Variants in ADCY2 observed in about 807,000 individuals in gnomAD.
ADCY2 encodes the protein adenylate cyclase type 2.
Under a neutral mutation model 125.2 loss-of-function variants are expected in ADCY2, and 31 were observed. The observed-to-expected ratio is 0.25, with a 90% CI of 0.19 to 0.33. The LOEUF is 0.33. Among genes scored for constraint, ADCY2 ranks in the 10% least tolerant of loss-of-function variants. ADCY2 has a pLI of 1.00. For synonymous variants in ADCY2, 512 were observed against 548.4 expected (o/e 0.93, Z 0.93); for missense variants, 904 against 1,418.2 (o/e 0.64, Z 5.82).
chr5:7,437,788 A>C (rs1740862483), intron 2 of ADCY2, among the ~76,000 whole-genome samples: 1 of 152,230 alleles, frequency 6.6e-6, no homozygotes, highest in South Asian at 2.1e-4. Flanking sequence ...AGCACTTTGA[A>C]CAGTATTTCT....
At chr5:7,402,329 CT>C (rs1739293675) in intron 1 of ADCY2, among the ~76,000 whole-genome samples, 1 of 152,158 alleles carries the variant, frequency 6.6e-6, no homozygotes, top group African/African-American at 2.4e-5. Flanking sequence ...TTCTTCAGTC[CT>C]TTTTTGGTAT....
Position 7,743,725 on chromosome 5 carries a change from C to T in ADCY2, c.1929C>T (p.Leu643=), listed in dbSNP as rs1432824864. 6.2e-7 allele frequency: 1 copy of T among 1,614,130 alleles called. No individual in the cohort carries two copies. The highest frequency in any genetic ancestry group is 8.5e-7 in the Non-Finnish European group (1 of 1,180,004). Residue 643 remains leucine, a synonymous_variant, in exon 15 of 25, where the codon CTC becomes CTT. Coordinates refer to ENST00000338316, the MANE Select transcript of ADCY2 (RefSeq NM_020546.3). ...GAAFLLLAFI[L]FVCFAGQLLQ... The stretch of plus-strand genomic sequence containing the variant: ...CGTTTCTCTTGCTGGCCTTCATCCT[C>T]TTCGTCTGCTTTGCTGGACAGCTTC...
chr5:7,818,347 CTTTTTCTTTTTTTTT>C (rs908532669), intron 23 of ADCY2, among the ~76,000 whole-genome samples: 7 of 145,424 alleles, frequency 4.8e-5, no homozygotes, highest in Non-Finnish European at 1.0e-4. Context: ...TTTTCTTTTT[CTTTTTCTTTTTTTTT>C]TTTTTCTTTT....
intron 2 of ADCY2, among the ~76,000 whole-genome samples, chr5:7,437,396 T>G (rs1740846423): frequency 6.6e-6 from 1 of 152,184 alleles, no homozygotes; most frequent in South Asian, 2.1e-4. Context: ...TAACCCACAC[T>G]GCTGTGAGGA....
chr5:7,622,288 G>A (rs974885678), intron 3 of ADCY2, among the ~76,000 whole-genome samples: 5 of 152,114 alleles, frequency 3.3e-5, no homozygotes, highest in Non-Finnish European at 5.9e-5. Context: ...AATTATTTAG[G>A]ACATCAATTG....
chr5:7,427,549 C>G (rs1332484150), intron 2 of ADCY2, among the ~76,000 whole-genome samples: 1 of 152,156 alleles, frequency 6.6e-6, no homozygotes, highest in Non-Finnish European at 1.5e-5. Context: ...CACTTCCCAT[C>G]AGGTCCCTCC....
chr5:7,742,238 G>A (rs1742461278), intron 14 of ADCY2, among the ~76,000 whole-genome samples: 1 of 152,012 alleles, frequency 6.6e-6, no homozygotes, highest in Non-Finnish European at 1.5e-5. Flanking sequence ...TGAGGATAAT[G>A]GCAAGCGCCC....
intron 4 of ADCY2, among the ~76,000 whole-genome samples, chr5:7,683,087 C>G (rs1037327904): frequency 1.3e-5 from 2 of 152,176 alleles, no homozygotes; most frequent in Admixed American, 6.5e-5. Context: ...GCAAGGCAGA[C>G]AAGTGGGGGT....
At position 7,574,494 on chromosome 5, in the gene ADCY2, A is replaced by C. The variant is rs184805310; in HGVS notation, c.571-51673A>C. 2.6e-3 allele frequency among the ~76,000 whole-genome samples: 397 copies of C among 152,300 alleles called. 1 individual carries two copies. The highest frequency in any genetic ancestry group is 4.3e-3 in the Non-Finnish European group (292 of 68,018). ...AAGAGAAAAAAAACAAACCCATGGC[A>C]ATGGGCATGGAGTACCTGGCTCTGT... On this transcript the variant is annotated intron_variant, in intron 3 of 24. Transcript: ENST00000338316.
intron 3 of ADCY2, among the ~76,000 whole-genome samples, chr5:7,576,786 A>G (rs1455705588): frequency 6.6e-6 from 1 of 152,120 alleles, no homozygotes; most frequent in East Asian, 1.9e-4. Flanking sequence ...CCCCACCAAC[A>G]CCACTGTTAA....
intron 3 of ADCY2, among the ~76,000 whole-genome samples, chr5:7,521,692 G>A (rs1744451599): frequency 6.6e-6 from 1 of 152,196 alleles, no homozygotes; most frequent in South Asian, 2.1e-4. Context: ...AAGCCCTGCT[G>A]GGTCTGAGAA....
At chr5:7,403,844 T>A (rs1739361514) in intron 1 of ADCY2, among the ~76,000 whole-genome samples, 1 of 152,164 alleles carries the variant, frequency 6.6e-6, no homozygotes, top group Non-Finnish European at 1.5e-5. Flanking sequence ...ATATCTGTCA[T>A]ATATCAAAAT....
chr5:7,658,882 T>C (rs994483234), intron 4 of ADCY2, among the ~76,000 whole-genome samples: 11 of 152,296 alleles, frequency 7.2e-5, no homozygotes, highest in South Asian at 2.1e-4. Flanking sequence ...CTCTTTTTTT[T>C]CGAAGGCCTT....
chr5:7,698,164 G>A (rs1353328916), intron 6 of ADCY2, 83 bp from the exon 7 acceptor site: 5 of 1,553,128 alleles, frequency 3.2e-6, no homozygotes, highest in East Asian at 4.5e-5. Context: ...TGTGAGCAGA[G>A]CTGGCGCTTG....
chr5:7,452,139 C>G (rs1306477109), intron 2 of ADCY2, among the ~76,000 whole-genome samples: 1 of 152,142 alleles, frequency 6.6e-6, no homozygotes, highest in African/African-American at 2.4e-5. Flanking sequence ...TCTCGAACTC[C>G]TGACCTCAGG....
chr5:7,693,410 T>TTTTTG (rs1191061956), intron 5 of ADCY2, among the ~76,000 whole-genome samples: 5 of 68,418 alleles, frequency 7.3e-5, no homozygotes, highest in African/African-American at 2.1e-4. Context: ...CCTGCTGTTT[T>TTTTTG]TTGTTTTTTT....
chr5:7,639,133 G>T (rs1407770803), intron 4 of ADCY2, among the ~76,000 whole-genome samples: 3 of 152,098 alleles, frequency 2.0e-5, no homozygotes, highest in African/African-American at 7.2e-5. Flanking sequence ...TATCAGCAGT[G>T]TGAAAATGGA....
intron 2 of ADCY2, among the ~76,000 whole-genome samples, chr5:7,508,136 T>C (rs940254037): frequency 3.9e-5 from 6 of 152,176 alleles, no homozygotes; most frequent in African/African-American, 1.4e-4. Flanking sequence ...AATGGCTACC[T>C]TAGAAGCTGT....
rs1314630496 is a variant in ADCY2 at position 7,562,341 on chromosome 5, A to C, written c.570+41442A>C. Among the ~76,000 whole-genome samples the C allele has an allele frequency of 3.3e-5, 5 of 152,264 alleles. No individual in the cohort carries two copies. The East Asian group carries it at 7.7e-4, about 23-fold the overall frequency. On this transcript the variant is annotated intron_variant, in intron 3 of 24. Transcript: ENST00000338316. ...TTACATCTATGTATCTGACGAAGTT[A>C]AACTCTGGGAAAGATATTAAATAAA...
Sources: gnomAD v4.1 joint callset for allele counts (sites outside exome capture counted in the v4.1 genomes callset) on GRCh38, gnomAD v4.1.1 for gene constraint, MANE v1.5 for transcripts, NCBI Gene and HGNC (gene_info 2026-07-23, HGNC 2026-07-21) for gene names.